Variants in LINGO2 observed in about 807,000 individuals in gnomAD.
LINGO2 encodes leucine rich repeat and Ig domain containing 2, also known as leucine-rich repeat and immunoglobulin-like domain-containing nogo receptor-interacting protein 2.
A neutral mutation model predicts 30.6 loss-of-function variants in LINGO2; 14 were observed. That is an observed-to-expected ratio of 0.46 (90% CI 0.30 to 0.72). LINGO2 has a LOEUF of 0.72. Ranked by LOEUF, LINGO2 falls within the 30% of genes least tolerant of loss-of-function variation. The probability of loss-of-function intolerance (pLI) is 0.07; values close to 1 mark genes in which losing one functional copy is unlikely to be tolerated. For synonymous variants in LINGO2, 317 were observed against 288.5 expected, an observed-to-expected ratio of 1.10 and a Z score of -1.00; for missense variants, 729 against 751.7, an observed-to-expected ratio of 0.97 and a Z score of 0.35.
chr9:27,965,716 C>T (rs549994203), intron 5 of LINGO2, among the ~76,000 whole-genome samples: 2 of 152,132 alleles, frequency 1.3e-5, no homozygotes, highest in Admixed American at 6.6e-5. Context: ...TTTTGGCCTA[C>T]ATAGAAATAC....
chr9:29,192,285 A>T, the LINGO2 span, among the ~76,000 whole-genome samples: 1 of 152,196 alleles, frequency 6.6e-6, no homozygotes, highest in African/African-American at 2.4e-5. Context: ...AAAGCTCCTA[A>T]CAACTTGCTA....
chr9:29,093,761 C>G, the LINGO2 span, among the ~76,000 whole-genome samples: 3 of 136,486 alleles, frequency 2.2e-5, 1 homozygote, highest in African/African-American at 8.2e-5. Context: ...ATAAAGGTCT[C>G]CTGAATTTTA....
intron 2 of LINGO2, among the ~76,000 whole-genome samples, chr9:28,432,714 T>C (rs984296492): frequency 1.3e-5 from 2 of 152,152 alleles, no homozygotes; most frequent in African/African-American, 4.8e-5. Context: ...GAATGCAGAA[T>C]AGAAAAATGT....
At chr9:27,980,985 G>A (rs572478429) in intron 5 of LINGO2, among the ~76,000 whole-genome samples, 72 of 152,014 alleles carry the variant, frequency 4.7e-4, no homozygotes, top group Admixed American at 1.3e-4. Context: ...GGTCAGTTAG[G>A]AGAGTTGATC....
chr9:28,009,310 C>G (rs1822432220), intron 5 of LINGO2, among the ~76,000 whole-genome samples: 1 of 150,742 alleles, frequency 6.6e-6, no homozygotes, highest in Non-Finnish European at 1.5e-5. Context: ...TCTTCATGAT[C>G]CTGGGTTAGC....
the LINGO2 span, among the ~76,000 whole-genome samples, chr9:28,874,997 T>C: frequency 6.6e-6 from 1 of 152,064 alleles, no homozygotes; most frequent in Non-Finnish European, 1.5e-5. Flanking sequence ...ACCAAAAACA[T>C]AGCAATCATG....
Position 28,582,592 on chromosome 9 carries a change from T to C in LINGO2, c.-365+87608A>G, listed in dbSNP as rs534071213. 1.6e-4 allele frequency among the ~76,000 whole-genome samples: 25 copies of C among 152,152 alleles called. No individual in the cohort carries two copies. In the South Asian group the frequency reaches 5.0e-3, roughly 30 times the overall value. On this transcript the variant is annotated intron_variant, in intron 1 of 5. Coordinates refer to ENST00000379992, the Ensembl canonical transcript of LINGO2. Reference sequence around the variant, plus strand: ...TGAGATCCAGCCATCAATAAGAGCTTTAATCCAGTGACCACTCTAACATAG... The same window carrying C: ...TGAGATCCAGCCATCAATAAGAGCTCTAATCCAGTGACCACTCTAACATAG...
chr9:28,833,040 T>A, the LINGO2 span, among the ~76,000 whole-genome samples: 1,384 of 152,258 alleles, frequency 9.1e-3, 21 homozygotes, highest in African/African-American at 0.032. Context: ...TTTTTTCACA[T>A]TGGAAGCATA....
the LINGO2 span, among the ~76,000 whole-genome samples, chr9:28,729,421 G>GA: frequency 4.0e-5 from 6 of 151,682 alleles, no homozygotes; most frequent in Middle Eastern, 6.8e-3. Context: ...AGAAACAGAG[G>GA]AAAAAAATCT....
chr9:28,189,090 A>G (rs1819650244), intron 4 of LINGO2, among the ~76,000 whole-genome samples: 1 of 152,046 alleles, frequency 6.6e-6, no homozygotes, highest in Non-Finnish European at 1.5e-5. Flanking sequence ...CTTTTGTCTT[A>G]GGTACAGGGC....
At chr9:29,019,761 AT>A in the LINGO2 span, among the ~76,000 whole-genome samples, 8 of 152,194 alleles carry the variant, frequency 5.3e-5, no homozygotes, top group East Asian at 5.8e-4. Flanking sequence ...ACAAGAAAAT[AT>A]TTTTTTTTTG....
chr9:29,054,653 G>T, the LINGO2 span, among the ~76,000 whole-genome samples: 1 of 152,058 alleles, frequency 6.6e-6, no homozygotes, highest in Non-Finnish European at 1.5e-5. Context: ...TCCTGGGTTA[G>T]AAAAGTGAGG....
At chr9:29,008,790 G>T in the LINGO2 span, among the ~76,000 whole-genome samples, 1 of 151,700 alleles carries the variant, frequency 6.6e-6, no homozygotes, top group Non-Finnish European at 1.5e-5. Flanking sequence ...TTTTTTTCTT[G>T]TAAAAAAACG....
intron 4 of LINGO2, among the ~76,000 whole-genome samples, chr9:28,106,336 T>G (rs1295749948): frequency 6.6e-6 from 1 of 152,112 alleles, no homozygotes; most frequent in Non-Finnish European, 1.5e-5. Context: ...AGAAAATTTT[T>G]CTCATTTTCT....
chr9:28,365,466 A>T (rs1327893344), intron 3 of LINGO2, among the ~76,000 whole-genome samples: 1 of 152,208 alleles, frequency 6.6e-6, no homozygotes, highest in Non-Finnish European at 1.5e-5. Flanking sequence ...GTGAAATACC[A>T]GAAAGCAAAA....
intron 4 of LINGO2, among the ~76,000 whole-genome samples, chr9:28,020,593 C>A (rs1587704947): frequency 2.6e-5 from 4 of 152,086 alleles, no homozygotes; most frequent in Admixed American, 2.6e-4. Context: ...GAAAGTGTTA[C>A]CTCTGCTTCT....
At chr9:29,168,364 T>TA in the LINGO2 span, among the ~76,000 whole-genome samples, 1 of 152,154 alleles carries the variant, frequency 6.6e-6, no homozygotes, top group Non-Finnish European at 1.5e-5. Context: ...TTTTCCTTGC[T>TA]AAAAAATGTG....
chr9:28,539,083 T>C (rs1027539372), intron 1 of LINGO2, among the ~76,000 whole-genome samples: 8 of 152,056 alleles, frequency 5.3e-5, no homozygotes, highest in Admixed American at 5.2e-4. Flanking sequence ...ATAAAATACA[T>C]ACCTAAATAA....
chr9:27,977,599 TAA>T (rs1820661463), intron 5 of LINGO2, among the ~76,000 whole-genome samples: 1 of 151,786 alleles, frequency 6.6e-6, no homozygotes, highest in South Asian at 2.1e-4. Flanking sequence ...TTATTAGAAA[TAA>T]AAAAGGAGTG....
Sources: allele counts gnomAD v4.1 joint callset (sites outside exome capture counted in the v4.1 genomes callset), GRCh38; gene constraint gnomAD v4.1.1; transcripts MANE v1.5; gene names NCBI Gene and HGNC (gene_info 2026-07-23, HGNC 2026-07-21).